CTIF: variants seen among roughly 807,000 people sequenced by gnomAD.
CTIF encodes the protein CBP80/20-dependent translation initiation factor.
Under a neutral mutation model 66.0 loss-of-function variants are expected in CTIF, and 21 were observed. The ratio of observed to expected loss-of-function variants is 0.32; its 90% CI spans 0.23 to 0.46. The LOEUF (loss-of-function observed/expected upper bound fraction) is 0.46, where lower values mean the gene tolerates loss of function less well. Among genes scored for constraint, CTIF ranks in the 20% least tolerant of loss-of-function variants. CTIF has a pLI of 1.00. For missense variants in CTIF, 739 were observed against 812.7 expected (o/e 0.91, Z 1.10); for synonymous variants, 345 against 326.4 (o/e 1.06, Z -0.62).
chr18:48,778,517 G>A (rs2146028846), intron 9 of CTIF, among the ~76,000 whole-genome samples: 1 of 152,324 alleles, frequency 6.6e-6, no homozygotes, highest in East Asian at 1.9e-4. Flanking sequence ...TGTACCAGGG[G>A]AACCTGGCCA....
chr18:48,600,871 A>G (rs980367354), intron 1 of CTIF, among the ~76,000 whole-genome samples: 1 of 152,076 alleles, frequency 6.6e-6, no homozygotes, highest in African/African-American at 2.4e-5. Context: ...TGCTACATCA[A>G]TCCCAGTGCA....
chr18:48,691,550 G>T (rs1444161918), intron 6 of CTIF, among the ~76,000 whole-genome samples: 2 of 152,178 alleles, frequency 1.3e-5, no homozygotes, highest in Non-Finnish European at 2.9e-5. Context: ...GCACCAGATA[G>T]AATCAGTCCT....
chr18:48,579,970 T>C (rs1276508135), intron 1 of CTIF, among the ~76,000 whole-genome samples: 2 of 152,230 alleles, frequency 1.3e-5, no homozygotes, highest in South Asian at 2.1e-4. Context: ...GGAACTACGA[T>C]GTCTCTGATG....
At chr18:48,720,261 G>T (rs946090089) in intron 7 of CTIF, among the ~76,000 whole-genome samples, 2 of 152,188 alleles carry the variant, frequency 1.3e-5, no homozygotes, top group African/African-American at 4.8e-5. Flanking sequence ...GCTTCGCTAG[G>T]GGATGAGATG....
At chr18:48,651,058 C>T (rs899345945) in intron 3 of CTIF, among the ~76,000 whole-genome samples, 4 of 152,260 alleles carry the variant, frequency 2.6e-5, no homozygotes, top group African/African-American at 9.6e-5. Context: ...TTCTAAAGAC[C>T]ATCGAGGCTA....
chr18:48,636,525 G>A (rs1334543882), intron 2 of CTIF, 89 bp from the exon 3 acceptor site: 7 of 925,132 alleles, frequency 7.6e-6, no homozygotes, highest in Non-Finnish European at 9.0e-6. Context: ...TGCTAATGGG[G>A]AAGGCCAGGG....
At chr18:48,554,111 T>C (rs2088959409) in intron 1 of CTIF, among the ~76,000 whole-genome samples, 1 of 152,212 alleles carries the variant, frequency 6.6e-6, no homozygotes, top group Non-Finnish European at 1.5e-5. Flanking sequence ...TCCGCCAGTG[T>C]GACCAGCTAA....
chr18:48,794,651 C>T (rs941986129), intron 9 of CTIF, among the ~76,000 whole-genome samples: 1 of 152,128 alleles, frequency 6.6e-6, no homozygotes, highest in Non-Finnish European at 1.5e-5. Flanking sequence ...AATAGGACAG[C>T]TTTACAAACC....
At chr18:48,721,444 A>C (rs568295542) in intron 7 of CTIF, among the ~76,000 whole-genome samples, 13 of 151,926 alleles carry the variant, frequency 8.6e-5, no homozygotes, top group African/African-American at 3.1e-4. Flanking sequence ...AAACACTAAC[A>C]CCCAACCCTT....
intron 1 of CTIF, among the ~76,000 whole-genome samples, chr18:48,604,138 C>A (rs189255100): frequency 9.3e-4 from 140 of 149,878 alleles, no homozygotes; most frequent in Admixed American, 1.7e-3. Context: ...ACCACCACAC[C>A]CCGCTGACTC....
At chr18:48,661,540 T>C (rs1214355040) in intron 3 of CTIF, among the ~76,000 whole-genome samples, 1 of 152,066 alleles carries the variant, frequency 6.6e-6, no homozygotes, top group Non-Finnish European at 1.5e-5. Context: ...TGATAGAAGG[T>C]GAGTCTCTCT....
chr18:48,829,024 G>A (rs971743115), intron 10 of CTIF, among the ~76,000 whole-genome samples: 1 of 152,228 alleles, frequency 6.6e-6, no homozygotes, highest in African/African-American at 2.4e-5. Context: ...CCTGCTATCT[G>A]CAGAGCTGAG....
intron 9 of CTIF, among the ~76,000 whole-genome samples, chr18:48,798,389 C>T (rs534359695): frequency 6.6e-6 from 1 of 152,316 alleles, no homozygotes; most frequent in African/African-American, 2.4e-5. Context: ...GTTTGGGGTT[C>T]ATCACACATA....
intron 9 of CTIF, among the ~76,000 whole-genome samples, chr18:48,792,290 G>A (rs2067810105): frequency 1.3e-5 from 2 of 151,752 alleles, no homozygotes; most frequent in Non-Finnish European, 2.9e-5. Context: ...ACTGCAAGAA[G>A]TCCAGGTCAG....
At chr18:48,682,604 C>G (rs1296727867) in intron 6 of CTIF, among the ~76,000 whole-genome samples, 1 of 152,202 alleles carries the variant, frequency 6.6e-6, no homozygotes, top group Non-Finnish European at 1.5e-5. Context: ...TTCCCCTATC[C>G]CCTTCTATCT....
At chr18:48,691,972 C>T (rs1367539624) in intron 6 of CTIF, among the ~76,000 whole-genome samples, 1 of 152,192 alleles carries the variant, frequency 6.6e-6, no homozygotes, top group Non-Finnish European at 1.5e-5. Context: ...ACGTCTGTCT[C>T]CCGGGTTCAA....
At chr18:48,676,127 G>A (rs888279727) in intron 6 of CTIF, among the ~76,000 whole-genome samples, 4 of 152,118 alleles carry the variant, frequency 2.6e-5, no homozygotes, top group African/African-American at 9.7e-5. Flanking sequence ...CGGTCTAACG[G>A]GCATGTTGTC....
chr18:48,684,114 G>A (rs1334788866), intron 6 of CTIF, among the ~76,000 whole-genome samples: 1 of 152,224 alleles, frequency 6.6e-6, no homozygotes, highest in African/African-American at 2.4e-5. Context: ...TTGTGGCTCT[G>A]ATTAGATCAT....
chr18:48,817,212 C>T lies in CTIF; in HGVS notation c.1372-9C>T. The T allele has an allele frequency of 6.2e-7, 1 of 1,612,110 alleles. No homozygotes were observed. The highest frequency in any genetic ancestry group is 1.3e-5 in the African/African-American group (1 of 75,062). On this transcript the variant is annotated splice_polypyrimidine_tract_variant and intron_variant, in intron 9 of 11. Transcript: ENST00000256413. The stretch of plus-strand genomic sequence containing the variant: ...CGGGAGGCTGACGCGGTCTCTCATG[C>T]CTCCACAGAAGGACTTCACGGTGCG...
Sources: gnomAD v4.1 joint callset for allele counts (sites outside exome capture counted in the v4.1 genomes callset) on GRCh38, gnomAD v4.1.1 for gene constraint, MANE v1.5 for transcripts, NCBI Gene and HGNC (gene_info 2026-07-23, HGNC 2026-07-21) for gene names.